CDH1: variants seen among roughly 807,000 people sequenced by gnomAD.
CDH1 encodes cadherin 1, also known as cadherin-1.
CDH1 carries 35 observed loss-of-function variants against 84.5 expected under a neutral mutation model. The observed-to-expected ratio is 0.41, with a 90% confidence interval of 0.32 to 0.55. The LOEUF is 0.55. Among genes scored for constraint, CDH1 ranks in the 20% least tolerant of loss-of-function variants. The pLI is 0.19. For missense variants in CDH1, 994 were observed against 1,126.6 expected, an observed-to-expected ratio of 0.88 and a Z score of 1.68; for synonymous variants, 417 against 439.0, an observed-to-expected ratio of 0.95 and a Z score of 0.63.
rs1194786556 is a variant in CDH1 at position 68,828,232 on chromosome 16, A to G, written c.2223A>G (p.Leu741=). Residue 741 remains leucine, a synonymous_variant, in exon 14 of 16, where the codon TTA becomes TTG. Transcript: ENST00000261769. ...GGAGAGCGGTGGTCAAAGAGCCCTT[A>G]CTGCCCCCAGAGGATGACACCCGGG... The part of the protein sequence containing the change: ...LRRRAVVKEP[L]LPPEDDTRDN... 6.2e-7 allele frequency: 1 copy of G among 1,613,870 alleles called. No individual in the cohort carries two copies. The highest frequency in any genetic ancestry group is 8.5e-7 in the Non-Finnish European group (1 of 1,179,974).
intron 10 of CDH1, among the ~76,000 whole-genome samples, chr16:68,819,010 C>T (rs1362749308): frequency 1.3e-5 from 2 of 152,084 alleles, no homozygotes; most frequent in Non-Finnish European, 2.9e-5. Flanking sequence ...CGTGTGCCAC[C>T]ACACCCAGCT....
chr16:68,789,176 C>T (rs1412139967), intron 2 of CDH1, among the ~76,000 whole-genome samples: 2 of 152,094 alleles, frequency 1.3e-5, no homozygotes, highest in African/African-American at 2.4e-5. Context: ...AGGTGCATGC[C>T]ACCATGCCCA....
intron 2 of CDH1, among the ~76,000 whole-genome samples, chr16:68,747,796 C>G (rs901689705): frequency 2.6e-5 from 4 of 152,204 alleles, no homozygotes; most frequent in Non-Finnish European, 4.4e-5. Flanking sequence ...CCGAATCTTG[C>G]TCTATTGTCC....
At position 68,819,307 on chromosome 16, in the gene CDH1, C is replaced by T. The variant is rs1596960362; in HGVS notation, c.1593C>T (p.Asn531=). 1 of 1,614,242 alleles carries T rather than the reference C, an allele frequency of 6.2e-7. No individual in the cohort carries two copies. The highest frequency in any genetic ancestry group is 8.5e-7 in the Non-Finnish European group (1 of 1,180,044). Residue 531 remains asparagine, a synonymous_variant, in exon 11 of 16, where the codon AAC becomes AAT. Transcript: ENST00000261769. The part of the protein sequence containing the change: ...ITYRIWRDTA[N]WLEINPDTGA... ...ATCGGATTTGGAGAGACACTGCCAA[C>T]TGGCTGGAGATTAATCCGGACACTG... is the stretch of plus-strand genomic sequence containing the variant.
At chr16:68,740,061 G>A (rs1313526493) in intron 2 of CDH1, among the ~76,000 whole-genome samples, 1 of 152,192 alleles carries the variant, frequency 6.6e-6, no homozygotes, top group African/African-American at 2.4e-5. Context: ...AGCAAGGGAA[G>A]GGGCTAGTTT....
chr16:68,788,892 C>T (rs1334517319), intron 2 of CDH1, among the ~76,000 whole-genome samples: 5 of 152,140 alleles, frequency 3.3e-5, no homozygotes, highest in Admixed American at 3.3e-4. Flanking sequence ...GTAATCCCAG[C>T]TGCTTGGGAG....
At chr16:68,786,534 C>CTTTGTTTTTTT (rs1960052493) in intron 2 of CDH1, among the ~76,000 whole-genome samples, 1 of 73,914 alleles carries the variant, frequency 1.4e-5, no homozygotes, top group Non-Finnish European at 2.3e-5. Flanking sequence ...TTTTTTTTTT[C>CTTTGTTTTTTT]TTTTTTTTTT....
At chr16:68,766,378 G>A (rs1386290052) in intron 2 of CDH1, among the ~76,000 whole-genome samples, 2 of 152,224 alleles carry the variant, frequency 1.3e-5, no homozygotes, top group South Asian at 2.1e-4. Context: ...CCTAACTGCC[G>A]GATGCACCGC....
intron 3 of CDH1, among the ~76,000 whole-genome samples, chr16:68,808,042 C>T (rs1030058218): frequency 6.6e-6 from 1 of 152,112 alleles, no homozygotes; most frequent in Non-Finnish European, 1.5e-5. Flanking sequence ...CGCTGTACCC[C>T]AGCCTCAGTG....
At chr16:68,802,006 G>C (rs563246360) in intron 3 of CDH1, 113 bp downstream of exon 3, 2 of 888,420 alleles carry the variant, frequency 2.3e-6, no homozygotes, top group African/African-American at 3.3e-5. Context: ...GTGTTGTAGG[G>C]GTTGTCCTGT....
At chr16:68,807,011 G>A (rs1960683451) in intron 3 of CDH1, among the ~76,000 whole-genome samples, 5 of 152,312 alleles carry the variant, frequency 3.3e-5, no homozygotes, top group Admixed American at 2.0e-4. Flanking sequence ...ATCAGTGACT[G>A]TGAGTTTTTA....
chr16:68,754,661 G>A (rs901141211), intron 2 of CDH1, among the ~76,000 whole-genome samples: 1 of 152,284 alleles, frequency 6.6e-6, no homozygotes, highest in African/African-American at 2.4e-5. Context: ...GCAGCCAGGT[G>A]AAAGGGATGG....
intron 10 of CDH1, 137 bp downstream of exon 10, chr16:68,815,896 C>A: frequency 9.2e-7 from 1 of 1,081,622 alleles, no homozygotes; most frequent in Non-Finnish European, 1.3e-6. Context: ...ATTTTTTATT[C>A]CCTTTATCTG....
intron 2 of CDH1, among the ~76,000 whole-genome samples, chr16:68,740,446 T>G (rs1403429442): frequency 2.0e-5 from 3 of 152,050 alleles, no homozygotes; most frequent in Non-Finnish European, 4.4e-5. Context: ...CCCAGAGTGC[T>G]GGGGATTGGA....
At chr16:68,756,549 G>C (rs1156789855) in intron 2 of CDH1, among the ~76,000 whole-genome samples, 3 of 152,038 alleles carry the variant, frequency 2.0e-5, no homozygotes, top group Admixed American at 1.3e-4. Flanking sequence ...TGTTAGCTTC[G>C]TGCTAAAAGG....
intron 2 of CDH1, among the ~76,000 whole-genome samples, chr16:68,796,680 G>A (rs939097307): frequency 6.6e-6 from 1 of 152,102 alleles, no homozygotes; most frequent in Non-Finnish European, 1.5e-5. Context: ...AGAAAGTGGG[G>A]CACCGTAGGT....
At chr16:68,831,305 G>A (rs1446192122) in intron 15 of CDH1, among the ~76,000 whole-genome samples, 1 of 149,056 alleles carries the variant, frequency 6.7e-6, no homozygotes, top group Non-Finnish European at 1.5e-5. Flanking sequence ...TAACCAGATG[G>A]TCTCGATCTC....
chr16:68,834,340 G>A lies in CDH1; in HGVS notation c.*841G>A, dbSNP rs1961582167. On this transcript the variant is annotated 3_prime_UTR_variant, in exon 16 of 16. Coordinates refer to ENST00000261769, the MANE Select transcript of CDH1 (RefSeq NM_004360.5). ...TGCAGTGATGTGATCATAGCTCACT[G>A]TAACCTCAAACTCTGGGGCTCAAGC... 4.1e-6 allele frequency: 2 copies of A among 492,508 alleles called. No individual in the cohort carries two copies. Among genetic ancestry groups the A allele is most frequent in the South Asian group, 3.3e-5 (2 of 61,400 alleles). The allele number at this position is 492,508 out of a possible 1,614,324, so 30.5% of individuals were successfully genotyped here.
Position 68,771,860 on chromosome 16 carries a change from C to T in CDH1, c.164-29810C>T, listed in dbSNP as rs895428780. ...CCTCCTAAAGTGCTGGGATTACAGG[C>T]GCGAGCCACCGTGCCTAGCCCATTG... On this transcript the variant is annotated intron_variant, in intron 2 of 15. Transcript: ENST00000261769. Among the ~76,000 whole-genome samples the T allele has an allele frequency of 2.0e-5, 3 of 152,014 alleles. No individual in the cohort carries two copies. The East Asian group carries it at 5.8e-4, about 29-fold the overall frequency.
Sources: allele counts gnomAD v4.1 joint callset (sites outside exome capture counted in the v4.1 genomes callset), GRCh38; gene constraint gnomAD v4.1.1; transcripts MANE v1.5; gene names NCBI Gene and HGNC (gene_info 2026-07-23, HGNC 2026-07-21).